LHFPL1: variants seen among roughly 807,000 people sequenced by gnomAD.
LHFPL1 encodes the protein LHFPL tetraspan subfamily member 1, also known as LHFPL tetraspan subfamily member 1 protein.
A neutral mutation model predicts 12.1 loss-of-function variants in LHFPL1; 4 were observed. The ratio of observed to expected loss-of-function variants is 0.33; its 90% CI spans 0.16 to 0.76. The LOEUF (loss-of-function observed/expected upper bound fraction) is 0.76, where lower values mean the gene tolerates loss of function less well. LHFPL1 is among the 30% of genes least tolerant of loss of function. The probability of loss-of-function intolerance (pLI) is 0.61; values close to 1 mark genes in which losing one functional copy is unlikely to be tolerated. For synonymous variants in LHFPL1, 52 were observed against 61.9 expected (o/e 0.84, Z 0.75); for missense variants, 141 against 174.1 (o/e 0.81, Z 1.07).
chrX:112,646,914 C>A (rs1345725292), intron 3 of LHFPL1, among the ~76,000 whole-genome samples: 1 of 111,914 alleles, frequency 8.9e-6, no homozygotes, highest in East Asian at 2.8e-4. Flanking sequence ...TTGTAGCACA[C>A]AGGCAGTGAG....
chrX:112,660,861 G>A, intron 2 of LHFPL1, 136 bp from the exon 3 acceptor site: 2 of 462,241 alleles, frequency 4.3e-6, no homozygotes, highest in Non-Finnish European at 7.3e-6. Context: ...AAATTTCTAT[G>A]AGAGTACCAA....
chrX:112,671,707 G>A (rs944879625), intron 1 of LHFPL1, among the ~76,000 whole-genome samples: 1 of 111,877 alleles, frequency 8.9e-6, no homozygotes, highest in Non-Finnish European at 1.9e-5. Context: ...AAATACAGCC[G>A]GATCAGACAG....
At chrX:112,658,431 CAAAAAAA>C (rs1160376369) in intron 3 of LHFPL1, among the ~76,000 whole-genome samples, 1 of 40,231 alleles carries the variant, frequency 2.5e-5, no homozygotes, top group Non-Finnish European at 5.0e-5. Flanking sequence ...TCTCAAAAAA[CAAAAAAA>C]AAAAAGAAAA....
intron 3 of LHFPL1, among the ~76,000 whole-genome samples, chrX:112,647,701 TAAG>T (rs1221192375): frequency 4.5e-5 from 5 of 111,777 alleles, no homozygotes; most frequent in African/African-American, 1.6e-4. Context: ...TGTGGAGAAA[TAAG>T]AACACTTTTA....
chrX:112,635,651 T>C (rs1284738201), intron 3 of LHFPL1, among the ~76,000 whole-genome samples: 1 of 112,202 alleles, frequency 8.9e-6, no homozygotes, highest in Non-Finnish European at 1.9e-5. Context: ...TGTAAAATAC[T>C]ATAGGAATAT....
At chrX:112,651,619 C>A (rs188260694) in intron 3 of LHFPL1, among the ~76,000 whole-genome samples, 1 of 111,620 alleles carries the variant, frequency 9.0e-6, no homozygotes, top group African/African-American at 3.3e-5. Flanking sequence ...TCTTCCATAC[C>A]CATATCAAAT....
chrX:112,670,278 G>C (rs1308528098), intron 2 of LHFPL1, among the ~76,000 whole-genome samples: 1 of 112,486 alleles, frequency 8.9e-6, no homozygotes, highest in East Asian at 2.8e-4. Flanking sequence ...TTCTCAGACA[G>C]TTCAAATTAT....
At chrX:112,675,121 CT>C (rs768328254) in intron 1 of LHFPL1, among the ~76,000 whole-genome samples, 9 of 111,156 alleles carry the variant, frequency 8.1e-5, no homozygotes, top group African/African-American at 2.9e-4. Context: ...ACTTTGGGGA[CT>C]TGGGGGGAAG....
In LHFPL1 at chrX:112,630,948, G is replaced by C. The variant is rs1930170348; in HGVS notation, c.*472C>G. 1 of 111,699 alleles carries C rather than the reference G, an allele frequency of 9.0e-6. No homozygotes were observed. The highest frequency in any genetic ancestry group is 3.3e-5 in the African/African-American group (1 of 30,559). The allele number at this position is 111,699 out of a possible 1,213,427, so 9.2% of individuals were successfully genotyped here. A position where few individuals can be genotyped will look rare whatever the true frequency, so the allele number is the denominator to read the frequency against. ...TCCCCACAAGGTGCGGGGGGAAGCA[G>C]GAGAAAAAAAGGAAGAGCCAAGGTA... On this transcript the variant is annotated 3_prime_UTR_variant, in exon 4 of 4. Transcript: ENST00000371968.
intron 3 of LHFPL1, among the ~76,000 whole-genome samples, chrX:112,651,678 C>A (rs1930856678): frequency 9.0e-6 from 1 of 111,689 alleles, no homozygotes; most frequent in Non-Finnish European, 1.9e-5. Context: ...TTGAAACAGC[C>A]TACTTTCCCC....
intron 3 of LHFPL1, among the ~76,000 whole-genome samples, chrX:112,637,536 G>T (rs1056020442): frequency 8.9e-6 from 1 of 112,155 alleles, no homozygotes; most frequent in African/African-American, 3.2e-5. Flanking sequence ...CAGGGAGCAT[G>T]TGCAGAATGC....
intron 2 of LHFPL1, among the ~76,000 whole-genome samples, chrX:112,663,644 C>G (rs1931252745): frequency 8.9e-6 from 1 of 112,227 alleles, no homozygotes; most frequent in South Asian, 3.7e-4. Flanking sequence ...ACTAGCAATG[C>G]CCTTTTTCCC....
chrX:112,670,211 G>A (rs1931458282), intron 2 of LHFPL1, among the ~76,000 whole-genome samples: 1 of 112,634 alleles, frequency 8.9e-6, no homozygotes, highest in African/African-American at 3.2e-5. Flanking sequence ...TCTAGGTTTT[G>A]CAAAATACTC....
chrX:112,643,393 A>AAAG (rs1556053972), intron 3 of LHFPL1, among the ~76,000 whole-genome samples: 57 of 109,109 alleles, frequency 5.2e-4, no homozygotes, highest in African/African-American at 1.9e-3. Context: ...AAAAAAAAAA[A>AAAG]AAAAAAGAAA....
chrX:112,657,564 T>C (rs1198089398), intron 3 of LHFPL1, among the ~76,000 whole-genome samples: 1 of 112,162 alleles, frequency 8.9e-6, no homozygotes, highest in African/African-American at 3.2e-5. Flanking sequence ...TACAGTGTGG[T>C]ACTGGCATAG....
intron 3 of LHFPL1, among the ~76,000 whole-genome samples, chrX:112,641,821 A>T (rs1254720479): frequency 2.7e-5 from 3 of 111,982 alleles, no homozygotes; most frequent in African/African-American, 9.7e-5. Context: ...ATTCTGATAC[A>T]CATTTCCATG....
chrX:112,643,437 T>C (rs1252614457), intron 3 of LHFPL1, among the ~76,000 whole-genome samples: 2 of 108,078 alleles, frequency 1.9e-5, no homozygotes, highest in Non-Finnish European at 1.9e-5. Flanking sequence ...TCCACATGGC[T>C]GGGGAGGCCT....
Position 112,671,292 on chromosome X carries a change from G to A in LHFPL1, c.99C>T (p.Leu33=), listed in dbSNP as rs780633860. 12 of 1,210,626 alleles carry A rather than the reference G, an allele frequency of 9.9e-6. No individual in the cohort carries two copies. In the African/African-American group the frequency reaches 1.6e-4, roughly 16 times the overall value. Residue 33 remains leucine, a synonymous_variant, in exon 2 of 4, where the codon CTC becomes CTT. Transcript: ENST00000371968. The part of the protein sequence containing the change: ...SSTSYFLPYW[L]FGSQMGKPVS... ...CTGGCTTCCCCATCTGGGATCCAAA[G>A]AGCCAGTAAGGTAGGAAGTAACTGG...
At chrX:112,643,025 G>A (rs1431508683) in intron 3 of LHFPL1, among the ~76,000 whole-genome samples, 2 of 105,558 alleles carry the variant, frequency 1.9e-5, no homozygotes, top group African/African-American at 7.0e-5. Context: ...TTGGAAGGTA[G>A]GTATATTAGT....
Sources: gnomAD v4.1 joint callset for allele counts (sites outside exome capture counted in the v4.1 genomes callset) on GRCh38, gnomAD v4.1.1 for gene constraint, MANE v1.5 for transcripts, NCBI Gene and HGNC (gene_info 2026-07-23, HGNC 2026-07-21) for gene names.